Variants in SNX29 observed in about 807,000 individuals in gnomAD.
The protein encoded by SNX29 is sorting nexin 29, also known as sorting nexin-29.
A neutral mutation model predicts 102.1 loss-of-function variants in SNX29; 78 were observed. The observed-to-expected ratio is 0.76, with a 90% confidence interval of 0.64 to 0.92. The LOEUF (loss-of-function observed/expected upper bound fraction) is 0.92, where lower values mean the gene tolerates loss of function less well. SNX29 is among the 40% of genes least tolerant of loss of function. SNX29 has a pLI of 0.00. For missense variants in SNX29, 1,280 were observed against 1,061.7 expected (o/e 1.21, Z -2.86); for synonymous variants, 580 against 414.5 (o/e 1.40, Z -4.85).
intron 15 of SNX29, among the ~76,000 whole-genome samples, chr16:12,310,109 T>TGCACAC (rs2080485384): frequency 6.7e-5 from 6 of 90,078 alleles, no homozygotes; most frequent in Non-Finnish European, 1.4e-4. Context: ...CATGCACACA[T>TGCACAC]ACACGTGCAC....
Position 12,023,492 on chromosome 16 carries a change from C to T in SNX29, c.123-3828C>T, listed in dbSNP as rs142076994. Among the ~76,000 whole-genome samples, 1,081 of 148,472 alleles carry T rather than the reference C, an allele frequency of 7.3e-3. 8 individuals are homozygous for T. Among genetic ancestry groups the T allele is most frequent in the African/African-American group, 0.025 (1,013 of 40,272 alleles). The stretch of plus-strand genomic sequence containing the variant: ...ACTTGGTAGGCTGAGGTGGGAGGAT[C>T]GTTTGAGCCTGGGAGATTGAGGCTG... On this transcript the variant is annotated intron_variant, in intron 3 of 20. Coordinates refer to ENST00000566228, the MANE Select transcript of SNX29 (RefSeq NM_032167.5).
chr16:12,292,115 C>T (rs578163668), intron 15 of SNX29, among the ~76,000 whole-genome samples: 1 of 152,220 alleles, frequency 6.6e-6, no homozygotes, highest in South Asian at 2.1e-4. Context: ...CATTTCGAAG[C>T]TGGGCTTTGC....
At chr16:12,540,340 A>C (rs2213293) in intron 20 of SNX29, among the ~76,000 whole-genome samples, 87 of 152,160 alleles carry the variant, frequency 5.7e-4, no homozygotes, top group African/African-American at 1.9e-3. Context: ...ATGATTAAAG[A>C]GGAACGTTAT....
intron 15 of SNX29, among the ~76,000 whole-genome samples, chr16:12,340,371 GCATTC>G (rs2081576341): frequency 6.6e-6 from 1 of 152,224 alleles, no homozygotes; most frequent in African/African-American, 2.4e-5. Context: ...CAGTCAGTAA[GCATTC>G]CTAACCTTGA....
intron 1 of SNX29, among the ~76,000 whole-genome samples, chr16:11,987,438 C>T (rs1486701762): frequency 7.0e-6 from 1 of 143,106 alleles, no homozygotes; most frequent in Non-Finnish European, 1.5e-5. Flanking sequence ...GAGTCTCACT[C>T]TGTCACCCAG....
At chr16:12,555,974 T>A (rs76475538) in intron 20 of SNX29, among the ~76,000 whole-genome samples, 2,331 of 147,700 alleles carry the variant, frequency 0.016, 55 homozygotes, top group African/African-American at 0.054. Context: ...CTGCGTGGCT[T>A]TCAATTTTCA....
intron 13 of SNX29, among the ~76,000 whole-genome samples, chr16:12,154,572 CA>C (rs2055453051): frequency 1.3e-5 from 2 of 152,368 alleles, no homozygotes; most frequent in African/African-American, 4.8e-5. Context: ...TCTTCATCCT[CA>C]GGCCTGAACT....
intron 1 of SNX29, among the ~76,000 whole-genome samples, chr16:11,978,076 G>A (rs552106512): frequency 8.5e-5 from 13 of 152,090 alleles, no homozygotes; most frequent in Non-Finnish European, 8.8e-5. Flanking sequence ...TTTTTTGTTG[G>A]TTGGTTGTTT....
intron 14 of SNX29, among the ~76,000 whole-genome samples, chr16:12,208,678 C>T (rs2077107117): frequency 6.6e-6 from 1 of 151,752 alleles, no homozygotes; most frequent in Non-Finnish European, 1.5e-5. Flanking sequence ...TCTCTGCAAA[C>T]AGTTAAAAAA....
chr16:12,537,573 TTTG>T (rs770707710), intron 20 of SNX29, among the ~76,000 whole-genome samples: 28 of 152,206 alleles, frequency 1.8e-4, no homozygotes, highest in East Asian at 5.8e-4. Context: ...CAATTTTGAC[TTTG>T]TTTTTACTTC....
intron 19 of SNX29, among the ~76,000 whole-genome samples, chr16:12,501,021 T>A (rs142198410): frequency 6.6e-5 from 10 of 152,288 alleles, no homozygotes; most frequent in Admixed American, 6.5e-4. Context: ...TGTGCTGTGT[T>A]GCCCTCTCAG....
intron 20 of SNX29, among the ~76,000 whole-genome samples, chr16:12,538,552 G>T (rs1287321558): frequency 6.6e-6 from 1 of 152,170 alleles, no homozygotes; most frequent in Non-Finnish European, 1.5e-5. Flanking sequence ...GGGCTAGGAG[G>T]CTTAACTGGT....
At chr16:12,506,767 G>T (rs62030401) in intron 19 of SNX29, among the ~76,000 whole-genome samples, 14,250 of 152,260 alleles carry the variant, frequency 0.094, 723 homozygotes, top group Middle Eastern at 0.12. Flanking sequence ...GACAGCTGAG[G>T]AGGTGGAATC....
chr16:12,445,680 C>A (rs967225564), intron 18 of SNX29, among the ~76,000 whole-genome samples: 3 of 152,236 alleles, frequency 2.0e-5, no homozygotes, highest in African/African-American at 7.2e-5. Flanking sequence ...TTCAGAACTT[C>A]TCTTTCTGCA....
In SNX29 at chr16:12,130,521, G is replaced by A. The variant is rs573786843; in HGVS notation, c.1595+763G>A. Among the ~76,000 whole-genome samples, 3 of 144,514 alleles carry A rather than the reference G, an allele frequency of 2.1e-5. No individual in the cohort carries two copies. The South Asian group carries it at 6.7e-4, about 32-fold the overall frequency. The allele number at this position is 144,514 out of a possible 152,430, so 94.8% of individuals were successfully genotyped here. A position where few individuals can be genotyped will look rare whatever the true frequency, so the allele number is the denominator to read the frequency against. On this transcript the variant is annotated intron_variant, in intron 13 of 20. Transcript: ENST00000566228. ...AAAGATAGCGACTAAAGCAAAAAAA[G>A]TGTGTATTTTAATTTAACTTATTTC...
At chr16:12,372,678 G>C (rs1340041968) in intron 16 of SNX29, 1 of 152,168 alleles carries the variant, frequency 6.6e-6, no homozygotes, top group East Asian at 1.9e-4. Context: ...TTACCTGCTG[G>C]GGTATGTCAT....
At chr16:12,540,561 G>A (rs1484535909) in intron 20 of SNX29, among the ~76,000 whole-genome samples, 5 of 152,206 alleles carry the variant, frequency 3.3e-5, no homozygotes, top group Non-Finnish European at 2.9e-5. Flanking sequence ...CTATGCCATG[G>A]CCCCTTCTTT....
At chr16:12,091,014 CAAAAAAA>C (rs58933500) in intron 11 of SNX29, among the ~76,000 whole-genome samples, 4 of 53,440 alleles carry the variant, frequency 7.5e-5, no homozygotes, top group South Asian at 8.1e-4. Flanking sequence ...GACTTCATCT[CAAAAAAA>C]AAAAAAAAAA....
intron 1 of SNX29, among the ~76,000 whole-genome samples, chr16:11,979,275 C>CAAAAAAAAAAAAAAAAAAAAAAA (rs71139569): frequency 1.1e-4 from 7 of 61,998 alleles, no homozygotes; most frequent in African/African-American, 4.5e-4. Context: ...ACTCAGTCTC[C>CAAAAAAAAAAAAAAAAAAAAAAA]AAAAAAAAAA....
Sources: allele counts gnomAD v4.1 joint callset (sites outside exome capture counted in the v4.1 genomes callset), GRCh38; gene constraint gnomAD v4.1.1; transcripts MANE v1.5; gene names NCBI Gene and HGNC (gene_info 2026-07-23, HGNC 2026-07-21).